The following ACACB variants were observed in gnomAD, a reference collection of about 807,000 sequenced individuals.
ACACB encodes the protein acetyl-CoA carboxylase beta.
ACACB carries 209 observed loss-of-function variants against 278.8 expected under a neutral mutation model. That is an observed-to-expected ratio of 0.75 (90% confidence interval 0.67 to 0.84). The LOEUF is 0.84. ACACB is among the 40% of genes least tolerant of loss of function. The probability of loss-of-function intolerance (pLI) is 0.00; values close to 1 mark genes in which losing one functional copy is unlikely to be tolerated. For missense variants in ACACB, 2,850 were observed against 3,269.0 expected (o/e 0.87, Z 3.13); for synonymous variants, 1,174 against 1,285.6 (o/e 0.91, Z 1.86).
At position 109,199,557 on chromosome 12, in the gene ACACB, C is replaced by T. The variant is rs200474124; in HGVS notation, c.2778+5C>T. ...AGCAGCTACGCTGAGATGGAGGTGA[C>T]TGCAGAGCCGGCCGTGGGGAATCCT... On this transcript the variant is annotated splice_donor_5th_base_variant and intron_variant, in intron 18 of 52. Transcript: ENST00000338432. The T allele has an allele frequency of 4.1e-6, 6 of 1,445,846 alleles. No individual in the cohort carries two copies. In the East Asian group the frequency reaches 1.3e-4, roughly 32 times the overall value. The allele number at this position is 1,445,846 out of a possible 1,614,324, so 89.6% of individuals were successfully genotyped here.
chr12:109,211,647 A>G (rs1239664196), intron 21 of ACACB, among the ~76,000 whole-genome samples: 3 of 152,166 alleles, frequency 2.0e-5, no homozygotes, highest in Non-Finnish European at 1.5e-5. Flanking sequence ...TGCAGGGAAA[A>G]TGGAGAGTGA....
upstream of ACACB, among the ~76,000 whole-genome samples, chr12:109,114,928 G>T (rs190629351): frequency 7.9e-5 from 12 of 152,254 alleles, no homozygotes; most frequent in East Asian, 2.3e-3. Context: ...GCTGTTTGAA[G>T]AAATATATTT....
At chr12:109,167,543 G>A (rs1015511097) in intron 3 of ACACB, among the ~76,000 whole-genome samples, 1 of 148,912 alleles carries the variant, frequency 6.7e-6, no homozygotes, top group Non-Finnish European at 1.5e-5. Flanking sequence ...AAGCTGCAGT[G>A]AGCTGTGATT....
chr12:109,233,758 G>A lies in ACACB; in HGVS notation c.4150G>A (p.Glu1384Lys). The A allele has an allele frequency of 6.2e-7, 1 of 1,614,098 alleles. No individual in the cohort carries two copies. Among genetic ancestry groups the A allele is most frequent in the Admixed American group, 1.7e-5 (1 of 60,014 alleles). Residue 1384 changes from glutamate to lysine, a missense_variant, in exon 30 of 53, where the codon GAA (glutamate) becomes AAA (lysine). Glu to Lys is a moderately conservative substitution (Grantham distance 56, BLOSUM62 1). Transcript: ENST00000338432. ...TACCCGCACCCCCAGAAATTTTGAT[G>A]AAGTCATCTCTTGCTTCGCCAACGT... ...RFEDFTRNFDEVISCFANVPK... is the reference protein window; with the variant it reads ...RFEDFTRNFDKVISCFANVPK...
chr12:109,191,454 T>C, intron 13 of ACACB, 159 bp from the exon 14 acceptor site: 1 of 781,356 alleles, frequency 1.3e-6, no homozygotes, highest in East Asian at 2.8e-5. Context: ...CCTCAAGTAA[T>C]ACACCTACCT....
At chr12:109,219,356 C>T (rs1160247159) in intron 24 of ACACB, among the ~76,000 whole-genome samples, 5 of 152,186 alleles carry the variant, frequency 3.3e-5, no homozygotes, top group African/African-American at 1.2e-4. Context: ...AAATCTCACG[C>T]AGCAGCTTTT....
intron 1 of ACACB, among the ~76,000 whole-genome samples, chr12:109,133,691 T>C (rs2042887782): frequency 6.6e-6 from 1 of 151,888 alleles, no homozygotes; most frequent in African/African-American, 2.4e-5. Flanking sequence ...GTATGAGTTG[T>C]TCTCTTCAGC....
chr12:109,230,603 T>C (rs1326458896), intron 28 of ACACB, among the ~76,000 whole-genome samples: 2 of 152,172 alleles, frequency 1.3e-5, no homozygotes, highest in Non-Finnish European at 2.9e-5. Context: ...TTTAAAAATA[T>C]TTTTTTGCAG....
chr12:109,201,200 G>T (rs2045320201), intron 18 of ACACB, among the ~76,000 whole-genome samples: 1 of 152,186 alleles, frequency 6.6e-6, no homozygotes, highest in Non-Finnish European at 1.5e-5. Flanking sequence ...TTCACAAAAT[G>T]TTTGATTTAT....
intron 2 of ACACB, among the ~76,000 whole-genome samples, chr12:109,141,594 C>G (rs547855418): frequency 6.6e-6 from 1 of 152,172 alleles, no homozygotes; most frequent in Non-Finnish European, 1.5e-5. Flanking sequence ...GTTTTACTGG[C>G]TATTCTTTTA....
At position 109,191,896 on chromosome 12, in the gene ACACB, T is replaced by C. The variant is rs2136284249; in HGVS notation, c.2345T>C (p.Val782Ala). 1 of 1,614,208 alleles carries C rather than the reference T, an allele frequency of 6.2e-7. No homozygotes were observed. The highest frequency in any genetic ancestry group is 1.3e-5 in the African/African-American group (1 of 75,052). ...MLGVVCGALN[V>A]ADAMFRTCMT... ...GGGGTGGTATGCGGGGCCTTGAACG[T>C]GGCCGATGCGATGTTCAGAACGTGC... Residue 782 changes from valine to alanine, a missense_variant, in exon 15 of 53, where the codon GTG (valine) becomes GCG (alanine). By Grantham distance (64) the Val-to-Ala change is moderately conservative. Coordinates refer to ENST00000338432, the MANE Select transcript of ACACB (RefSeq NM_001093.4).
At chr12:109,228,020 C>T (rs1249383889) in intron 28 of ACACB, among the ~76,000 whole-genome samples, 1 of 138,862 alleles carries the variant, frequency 7.2e-6, no homozygotes, top group African/African-American at 2.8e-5. Context: ...GGCGAAGAAG[C>T]GAGACTCCGT....
intron 13 of ACACB, among the ~76,000 whole-genome samples, chr12:109,188,543 T>A (rs1282772253): frequency 6.7e-6 from 1 of 148,428 alleles, no homozygotes; most frequent in Non-Finnish European, 1.5e-5. Flanking sequence ...CTTCTTTCCC[T>A]CCCTTCCCAC....
intron 11 of ACACB, among the ~76,000 whole-genome samples, chr12:109,182,643 T>C (rs2044518714): frequency 6.6e-6 from 1 of 152,250 alleles, no homozygotes; most frequent in Non-Finnish European, 1.5e-5. Flanking sequence ...GAGCTGGTGT[T>C]ACAGGCATGA....
At chr12:109,122,961 C>A (rs2135946031) in intron 1 of ACACB, among the ~76,000 whole-genome samples, 1 of 152,038 alleles carries the variant, frequency 6.6e-6, no homozygotes, top group Non-Finnish European at 1.5e-5. Context: ...GTGGGCGGAT[C>A]ACGAGGTCAG....
At position 109,253,172 on chromosome 12, in the gene ACACB, C is replaced by A; in HGVS notation, c.6045+14C>A. ...TATATGCCAAAGGTGCAGTACTCCC[C>A]CTGCAGCTTAGAACCTGGAAGACTC... On this transcript the variant is annotated intron_variant, in intron 43 of 52. Transcript: ENST00000338432. 6.5e-7 allele frequency: 1 copy of A among 1,535,918 alleles called. No individual in the cohort carries two copies.
chr12:109,164,398 A>G (rs1301296658), intron 2 of ACACB, among the ~76,000 whole-genome samples: 2 of 151,806 alleles, frequency 1.3e-5, no homozygotes, highest in Non-Finnish European at 2.9e-5. Flanking sequence ...GTGTCTGGAT[A>G]ACTTCTGTAT....
chr12:109,225,691 A>G (rs1380445647), intron 27 of ACACB, among the ~76,000 whole-genome samples: 1 of 152,242 alleles, frequency 6.6e-6, no homozygotes, highest in African/African-American at 2.4e-5. Flanking sequence ...AAAAGCTTCC[A>G]GTGTTTAAAC....
intron 1 of ACACB, among the ~76,000 whole-genome samples, chr12:109,124,088 A>T (rs562695730): frequency 6.6e-6 from 1 of 152,136 alleles, no homozygotes; most frequent in East Asian, 1.9e-4. Context: ...TTTTTTTTAA[A>T]CCATTGCCAT....
Sources: gnomAD v4.1 joint callset for allele counts (sites outside exome capture counted in the v4.1 genomes callset) on GRCh38, gnomAD v4.1.1 for gene constraint, MANE v1.5 for transcripts, NCBI Gene and HGNC (gene_info 2026-07-23, HGNC 2026-07-21) for gene names.